Variants in ARB2A observed in about 807,000 individuals in gnomAD.
ARB2A encodes cotranscriptional regulator ARB2A.
chr5:93,950,736 A>C, the ARB2A span, among the ~76,000 whole-genome samples: 1 of 151,972 alleles, frequency 6.6e-6, no homozygotes, highest in East Asian at 1.9e-4. Flanking sequence ...CGAGGTCAGA[A>C]GTTCGAGACT....
chr5:93,896,554 C>G, the ARB2A span, among the ~76,000 whole-genome samples: 1 of 151,932 alleles, frequency 6.6e-6, no homozygotes, highest in Non-Finnish European at 1.5e-5. Context: ...AATCCAAAAA[C>G]CAAAACACTT....
At chr5:93,915,238 T>G in the ARB2A span, among the ~76,000 whole-genome samples, 3 of 151,904 alleles carry the variant, frequency 2.0e-5, no homozygotes, top group Admixed American at 1.3e-4. Flanking sequence ...ACCAAGCAAT[T>G]GGGCTCTTCA....
the ARB2A span, among the ~76,000 whole-genome samples, chr5:93,972,108 T>G: frequency 6.6e-6 from 1 of 152,170 alleles, no homozygotes. Flanking sequence ...AGACAACTTC[T>G]TGAGTTTCTC....
the ARB2A span, among the ~76,000 whole-genome samples, chr5:93,771,081 A>G: frequency 6.6e-6 from 1 of 152,240 alleles, no homozygotes. Flanking sequence ...TAACCAAAAC[A>G]GCATGGTACT....
At chr5:94,089,547 C>T in the ARB2A span, among the ~76,000 whole-genome samples, 1 of 146,788 alleles carries the variant, frequency 6.8e-6, no homozygotes, top group Non-Finnish European at 1.5e-5. Flanking sequence ...TTTGTTTTTA[C>T]TAAAAATACT....
At chr5:93,797,607 A>G in the ARB2A span, among the ~76,000 whole-genome samples, 1 of 152,154 alleles carries the variant, frequency 6.6e-6, no homozygotes, top group Non-Finnish European at 1.5e-5. Flanking sequence ...TCACTGTTTC[A>G]TATCAGGTTA....
chr5:93,640,457 A>C, the ARB2A span, among the ~76,000 whole-genome samples: 22 of 152,102 alleles, frequency 1.4e-4, no homozygotes, highest in African/African-American at 5.3e-4. Flanking sequence ...TCAAAAAAAA[A>C]AAAGTTTACA....
At chr5:93,658,447 C>G in the ARB2A span, among the ~76,000 whole-genome samples, 1 of 151,954 alleles carries the variant, frequency 6.6e-6, no homozygotes, top group Non-Finnish European at 1.5e-5. Flanking sequence ...CATTGTTAGT[C>G]TATGTTTCTT....
chr5:93,986,371 G>GC, the ARB2A span, among the ~76,000 whole-genome samples: 1 of 150,230 alleles, frequency 6.7e-6, no homozygotes, highest in Non-Finnish European at 1.5e-5. Context: ...GGTGAGGGGC[G>GC]CCCCCGCCCG....
At chr5:93,814,505 A>G in the ARB2A span, among the ~76,000 whole-genome samples, 2 of 152,218 alleles carry the variant, frequency 1.3e-5, no homozygotes, top group African/African-American at 4.8e-5. Context: ...CAAAAAGAAC[A>G]TATCAGTTCA....
the ARB2A span, among the ~76,000 whole-genome samples, chr5:93,985,070 T>A: frequency 6.6e-6 from 1 of 152,326 alleles, no homozygotes; most frequent in South Asian, 2.1e-4. Context: ...AATACAGTCA[T>A]ATAAAATTTT....
chr5:93,819,752 T>G, the ARB2A span, among the ~76,000 whole-genome samples: 1 of 152,194 alleles, frequency 6.6e-6, no homozygotes, highest in Admixed American at 6.5e-5. Flanking sequence ...CCAGGCAATT[T>G]AAAAAAATCT....
At chr5:94,064,240 G>C in the ARB2A span, among the ~76,000 whole-genome samples, 1 of 152,096 alleles carries the variant, frequency 6.6e-6, no homozygotes, top group East Asian at 1.9e-4. Context: ...TAACAGGCTA[G>C]ATCAAGCAGA....
At chr5:93,779,215 A>G in the ARB2A span, among the ~76,000 whole-genome samples, 4 of 152,154 alleles carry the variant, frequency 2.6e-5, no homozygotes, top group African/African-American at 9.7e-5. Flanking sequence ...TGTTTGCTAT[A>G]TGATAGAGCA....
chr5:94,058,432 A>G, the ARB2A span, among the ~76,000 whole-genome samples: 3 of 152,188 alleles, frequency 2.0e-5, no homozygotes, highest in Non-Finnish European at 4.4e-5. Flanking sequence ...GATAAAGATA[A>G]AGGAATTAGA....
the ARB2A span, among the ~76,000 whole-genome samples, chr5:93,682,291 C>T: frequency 1.3e-5 from 2 of 149,986 alleles, no homozygotes; most frequent in Non-Finnish European, 3.0e-5. Context: ...ATCTTGCCCA[C>T]TGGAAAAAAT....
the ARB2A span, among the ~76,000 whole-genome samples, chr5:93,804,306 AT>A: frequency 6.6e-6 from 1 of 152,000 alleles, no homozygotes; most frequent in Non-Finnish European, 1.5e-5. Flanking sequence ...ACATATGTAT[AT>A]TCATCTGAGT....
chr5:93,626,166 TAATG>T, the ARB2A span, among the ~76,000 whole-genome samples: 1 of 152,332 alleles, frequency 6.6e-6, no homozygotes, highest in South Asian at 2.1e-4. Context: ...TAATTTCTGT[TAATG>T]AAATCTATTT....
the ARB2A span, among the ~76,000 whole-genome samples, chr5:94,087,238 T>C: frequency 6.6e-6 from 1 of 152,154 alleles, no homozygotes; most frequent in Non-Finnish European, 1.5e-5. Flanking sequence ...AGCTAAGTAT[T>C]ATTACAAAAA....
Sources: gnomAD v4.1 joint callset for allele counts (sites outside exome capture counted in the v4.1 genomes callset) on GRCh38, gnomAD v4.1.1 for gene constraint, MANE v1.5 for transcripts, NCBI Gene and HGNC (gene_info 2026-07-23, HGNC 2026-07-21) for gene names.